SETBP1: variants seen among roughly 807,000 people sequenced by gnomAD.
The protein encoded by SETBP1 is SET-binding protein.
Under a neutral mutation model 101.0 loss-of-function variants are expected in SETBP1, and 9 were observed. The ratio of observed to expected loss-of-function variants is 0.09; its 90% CI spans 0.05 to 0.16. SETBP1 has a LOEUF of 0.16. Ranked by LOEUF, SETBP1 falls within the 10% of genes least tolerant of loss-of-function variation. The pLI, the probability that SETBP1 is intolerant of heterozygous loss-of-function variation, is 1.00. For synonymous variants in SETBP1, 818 were observed against 788.5 expected, an observed-to-expected ratio of 1.04 and a Z score of -0.63; for missense variants, 1,858 against 2,033.8, an observed-to-expected ratio of 0.91 and a Z score of 1.66.
chr18:44,963,909 A>AAC (rs2071665691), intron 4 of SETBP1, among the ~76,000 whole-genome samples: 2 of 150,586 alleles, frequency 1.3e-5, no homozygotes, highest in Non-Finnish European at 3.0e-5. Context: ...CAAAAAAAAA[A>AAC]AAAAAAAAAA....
intron 2 of SETBP1, among the ~76,000 whole-genome samples, chr18:44,740,489 T>C (rs1479964866): frequency 6.6e-6 from 1 of 152,208 alleles, no homozygotes; most frequent in Non-Finnish European, 1.5e-5. Flanking sequence ...ACATGTGATG[T>C]AAATGCACTT....
chr18:44,894,399 A>AT (rs142131407), intron 3 of SETBP1, among the ~76,000 whole-genome samples: 1,831 of 148,824 alleles, frequency 0.012, 27 homozygotes, highest in African/African-American at 0.043. Context: ...TACTTGGATC[A>AT]TTTTTTTTTT....
chr18:44,942,403 A>G (rs1008465050), intron 3 of SETBP1, among the ~76,000 whole-genome samples: 2 of 152,164 alleles, frequency 1.3e-5, no homozygotes, highest in Non-Finnish European at 2.9e-5. Flanking sequence ...GATAATCCCT[A>G]TGAAGGTTTC....
intron 2 of SETBP1, among the ~76,000 whole-genome samples, chr18:44,828,843 C>T (rs138564485): frequency 6.6e-6 from 1 of 152,358 alleles, no homozygotes; most frequent in Non-Finnish European, 1.5e-5. Context: ...TGCTTTCTCT[C>T]CACCATGTGA....
intron 2 of SETBP1, among the ~76,000 whole-genome samples, chr18:44,739,947 G>A (rs1303758419): frequency 6.6e-6 from 1 of 152,148 alleles, no homozygotes; most frequent in African/African-American, 2.4e-5. Flanking sequence ...GATTTTGGTT[G>A]GAAGAATAGA....
intron 2 of SETBP1, among the ~76,000 whole-genome samples, chr18:44,767,845 T>C (rs2070791190): frequency 6.6e-6 from 1 of 152,230 alleles, no homozygotes; most frequent in African/African-American, 2.4e-5. Flanking sequence ...GCCTTTGATA[T>C]ACTCGTTTTC....
intron 1 of SETBP1, among the ~76,000 whole-genome samples, chr18:44,686,508 C>T (rs2068843131): frequency 6.6e-6 from 1 of 152,162 alleles, no homozygotes; most frequent in Non-Finnish European, 1.5e-5. Flanking sequence ...GAGCAAGGCA[C>T]CCCACTTATG....
chr18:44,912,145 A>G (rs140169524), intron 3 of SETBP1, among the ~76,000 whole-genome samples: 10 of 152,176 alleles, frequency 6.6e-5, no homozygotes, highest in African/African-American at 2.4e-4. Context: ...GTCTTTTTCT[A>G]GATGATCTAG....
chr18:44,985,777 C>A (rs1397604563), intron 4 of SETBP1, among the ~76,000 whole-genome samples: 5 of 152,140 alleles, frequency 3.3e-5, no homozygotes, highest in Admixed American at 2.6e-4. Flanking sequence ...ACTGTTCAAC[C>A]TTTAGCCAGC....
intron 3 of SETBP1, among the ~76,000 whole-genome samples, chr18:44,919,610 A>C (rs1187454644): frequency 6.6e-6 from 1 of 151,962 alleles, no homozygotes; most frequent in Non-Finnish European, 1.5e-5. Flanking sequence ...AGCCTCCCTA[A>C]GTGCTGGGAT....
At chr18:44,885,970 A>G (rs758345864) in intron 3 of SETBP1, among the ~76,000 whole-genome samples, 6 of 151,742 alleles carry the variant, frequency 4.0e-5, no homozygotes, top group African/African-American at 9.7e-5. Flanking sequence ...TAAGTTCTCA[A>G]TGAACTGCAG....
chr18:44,944,714 A>G (rs898640739), intron 3 of SETBP1, among the ~76,000 whole-genome samples: 2 of 152,208 alleles, frequency 1.3e-5, no homozygotes, highest in Non-Finnish European at 2.9e-5. Flanking sequence ...TGATGTCAGC[A>G]GAAAGTAGCA....
intron 2 of SETBP1, among the ~76,000 whole-genome samples, chr18:44,782,355 C>A (rs1263634325): frequency 1.3e-5 from 2 of 151,842 alleles, no homozygotes; most frequent in East Asian, 1.9e-4. Flanking sequence ...TGCTACGTAG[C>A]CAACATGACT....
Position 44,701,315 on chromosome 18 carries a change from C to G in SETBP1, c.-32C>G. 2 of 1,456,188 alleles carry G rather than the reference C, an allele frequency of 1.4e-6. No individual in the cohort carries two copies. The highest frequency in any genetic ancestry group is 1.8e-6 in the Non-Finnish European group (2 of 1,101,958). The allele number at this position is 1,456,188 out of a possible 1,614,324, so 90.2% of individuals were successfully genotyped here. On this transcript the variant is annotated 5_prime_UTR_variant, in exon 2 of 6. Transcript: ENST00000649279. Reference sequence around the variant, plus strand: ...CCTTTTCCCTTTTCCCCTTCCCCCTCCTGAGAACTCCGGAAGACTGTAGAG... The same window carrying G: ...CCTTTTCCCTTTTCCCCTTCCCCCTGCTGAGAACTCCGGAAGACTGTAGAG...
chr18:45,025,552 A>G (rs1469996033), intron 4 of SETBP1, among the ~76,000 whole-genome samples: 1 of 152,062 alleles, frequency 6.6e-6, no homozygotes, highest in Non-Finnish European at 1.5e-5. Context: ...TCTAGCACAC[A>G]TTCTGTATCT....
At chr18:45,056,899 C>T (rs919666735) in intron 5 of SETBP1, among the ~76,000 whole-genome samples, 1 of 152,164 alleles carries the variant, frequency 6.6e-6, no homozygotes, top group Non-Finnish European at 1.5e-5. Flanking sequence ...CAAGCCACTG[C>T]AACTAAGATA....
intron 4 of SETBP1, among the ~76,000 whole-genome samples, chr18:44,956,224 C>T (rs968587756): frequency 6.6e-6 from 1 of 152,028 alleles, no homozygotes; most frequent in African/African-American, 2.4e-5. Flanking sequence ...CCTCTCATTG[C>T]TTATATCTCG....
intron 2 of SETBP1, among the ~76,000 whole-genome samples, chr18:44,756,755 T>C (rs965604230): frequency 2.6e-5 from 4 of 152,176 alleles, no homozygotes; most frequent in African/African-American, 9.7e-5. Flanking sequence ...CATATAAACC[T>C]CTGTCCTTAA....
At chr18:44,763,262 C>T (rs185193509) in intron 2 of SETBP1, among the ~76,000 whole-genome samples, 265 of 152,202 alleles carry the variant, frequency 1.7e-3, no homozygotes, top group Middle Eastern at 3.4e-3. Context: ...TCATAGAAGA[C>T]GTTAAATGCA....
Sources: allele counts gnomAD v4.1 joint callset (sites outside exome capture counted in the v4.1 genomes callset), GRCh38; gene constraint gnomAD v4.1.1; transcripts MANE v1.5; gene names NCBI Gene and HGNC (gene_info 2026-07-23, HGNC 2026-07-21).